CD226: variants seen among roughly 807,000 people sequenced by gnomAD.
The protein encoded by CD226 is CD226 molecule.
CD226 carries 24 observed loss-of-function variants against 34.9 expected under a neutral mutation model. The observed-to-expected ratio is 0.69, with a 90% CI of 0.50 to 0.97. The LOEUF is 0.97. Among genes scored for constraint, CD226 ranks in the 50% least tolerant of loss-of-function variants. The probability of loss-of-function intolerance (pLI) is 0.00; values close to 1 mark genes in which losing one functional copy is unlikely to be tolerated. For missense variants in CD226, 397 were observed against 412.7 expected, an observed-to-expected ratio of 0.96 and a Z score of 0.33; for synonymous variants, 148 against 147.4, an observed-to-expected ratio of 1.00 and a Z score of -0.03.
At chr18:69,949,367 T>A (rs1342003441), upstream of CD226, among the ~76,000 whole-genome samples, 12 of 152,196 alleles carry the variant, frequency 7.9e-5, no homozygotes, top group Non-Finnish European at 1.5e-4. Context: ...GGCAAGGACA[T>A]GGAAGACCTC....
intron 2 of CD226, 31 bp from the exon 3 acceptor site, chr18:69,896,076 G>A (rs774957226): frequency 6.4e-7 from 1 of 1,574,780 alleles, no homozygotes; most frequent in South Asian, 1.1e-5. Context: ...ATTAGATACA[G>A]GTTGTCAAAT....
intron 1 of CD226, among the ~76,000 whole-genome samples, chr18:69,953,622 A>T (rs1377081870): frequency 6.6e-6 from 1 of 152,218 alleles, no homozygotes; most frequent in African/African-American, 2.4e-5. Flanking sequence ...CTTTAAAATG[A>T]TGAAAATGTT....
At chr18:69,895,347 A>G (rs1361358171) in intron 3 of CD226, among the ~76,000 whole-genome samples, 2 of 152,260 alleles carry the variant, frequency 1.3e-5, no homozygotes, top group African/African-American at 4.8e-5. Flanking sequence ...ACACCTTATC[A>G]CCACCATCAA....
chr18:69,868,508 TATTTATTATTATTTTGACC>T lies in CD226; in HGVS notation c.831-1116_831-1098del, dbSNP rs569865591. Among the ~76,000 whole-genome samples the T allele has an allele frequency of 5.1e-4, 77 of 152,330 alleles. No individual in the cohort carries two copies. In the South Asian group the frequency reaches 0.016, roughly 31 times the overall value. ...CTTATTCTATGTGCATTTATTTTCT[TATTTATTATTATTTTGACC>T]AATTATTCATTTATTTGTTTATTCT... On this transcript the variant is annotated intron_variant, in intron 4 of 5. Coordinates refer to ENST00000582621, the MANE Select transcript of CD226 (RefSeq NM_001303618.2).
At chr18:69,928,660 A>G (rs2055552721) in intron 2 of CD226, among the ~76,000 whole-genome samples, 1 of 152,226 alleles carries the variant, frequency 6.6e-6, no homozygotes, top group South Asian at 2.1e-4. Flanking sequence ...ACATCATACC[A>G]GCTGAACATC....
chr18:69,958,819 AC>A (rs2055915995), upstream of CD226, among the ~76,000 whole-genome samples: 60 of 149,738 alleles, frequency 4.0e-4, 1 homozygote, highest in South Asian at 0.012. Flanking sequence ...ACACACACAC[AC>A]ACACACACAT....
chr18:69,894,990 G>A (rs756522738), intron 3 of CD226, among the ~76,000 whole-genome samples: 2 of 152,152 alleles, frequency 1.3e-5, no homozygotes, highest in Non-Finnish European at 2.9e-5. Context: ...GGCCTTGGAG[G>A]AGGTGGAAGC....
intron 2 of CD226, among the ~76,000 whole-genome samples, chr18:69,937,279 G>A (rs1359841769): frequency 6.6e-6 from 1 of 152,072 alleles, no homozygotes; most frequent in Non-Finnish European, 1.5e-5. Flanking sequence ...TTTGAACAAT[G>A]AAAATTATCT....
chr18:69,929,512 T>C (rs1599018069), intron 2 of CD226, among the ~76,000 whole-genome samples: 1 of 152,314 alleles, frequency 6.6e-6, no homozygotes, highest in East Asian at 1.9e-4. Context: ...ATAATCAATG[T>C]AAAGCCTTTA....
chr18:69,903,625 G>T (rs187045378), intron 2 of CD226, among the ~76,000 whole-genome samples: 3 of 152,108 alleles, frequency 2.0e-5, no homozygotes, highest in East Asian at 3.9e-4. Context: ...ATATGACCGT[G>T]TCCTTATAAA....
chr18:69,926,695 T>C (rs1307011749), intron 2 of CD226, among the ~76,000 whole-genome samples: 1 of 152,218 alleles, frequency 6.6e-6, no homozygotes, highest in Non-Finnish European at 1.5e-5. Flanking sequence ...GCTGGGCAAC[T>C]TCCATGTGCC....
intron 3 of CD226, among the ~76,000 whole-genome samples, chr18:69,891,674 T>C (rs930590935): frequency 5.9e-5 from 9 of 152,104 alleles, no homozygotes; most frequent in Non-Finnish European, 1.2e-4. Context: ...AAAATATCAG[T>C]CAGGTTTCTG....
intron 2 of CD226, among the ~76,000 whole-genome samples, chr18:69,905,559 T>C (rs949764923): frequency 3.3e-5 from 5 of 152,072 alleles, no homozygotes; most frequent in Admixed American, 6.5e-5. Flanking sequence ...AAGTGCGGGA[T>C]TGGTGGGAGA....
intron 2 of CD226, among the ~76,000 whole-genome samples, chr18:69,898,354 T>C (rs1985420455): frequency 1.3e-5 from 2 of 152,150 alleles, no homozygotes; most frequent in South Asian, 4.1e-4. Flanking sequence ...CCCCGTCCAA[T>C]CTCAGGAGTT....
intron 2 of CD226, among the ~76,000 whole-genome samples, chr18:69,932,448 C>A (rs991053962): frequency 1.3e-5 from 2 of 152,130 alleles, no homozygotes; most frequent in African/African-American, 2.4e-5. Flanking sequence ...CTGAATGCCC[C>A]CTCTTCTAAG....
chr18:69,904,056 T>C (rs1281428300), intron 2 of CD226, among the ~76,000 whole-genome samples: 1 of 151,896 alleles, frequency 6.6e-6, no homozygotes, highest in Non-Finnish European at 1.5e-5. Context: ...AAAGTGCAGA[T>C]AAAAGGTAAA....
intron 2 of CD226, among the ~76,000 whole-genome samples, chr18:69,945,071 G>T (rs531602565): frequency 6.6e-6 from 1 of 152,250 alleles, no homozygotes; most frequent in South Asian, 2.1e-4. Context: ...GTCATAAAAT[G>T]TTCTTCTCTG....
intron 3 of CD226, among the ~76,000 whole-genome samples, chr18:69,880,653 C>CCT (rs1555678504): frequency 1.4e-5 from 2 of 138,318 alleles, no homozygotes; most frequent in Admixed American, 7.3e-5. Context: ...CTTAAGATTT[C>CCT]TTTTTTTTTT....
intron 4 of CD226, among the ~76,000 whole-genome samples, chr18:69,871,036 C>T (rs960787954): frequency 1.3e-5 from 2 of 152,152 alleles, no homozygotes; most frequent in African/African-American, 2.4e-5. Flanking sequence ...TGTATTCTAC[C>T]GTTCAATTTA....
Sources: gnomAD v4.1 joint callset for allele counts (sites outside exome capture counted in the v4.1 genomes callset) on GRCh38, gnomAD v4.1.1 for gene constraint, MANE v1.5 for transcripts, NCBI Gene and HGNC (gene_info 2026-07-23, HGNC 2026-07-21) for gene names.